XYLB: variants seen among roughly 807,000 people sequenced by gnomAD.
The protein encoded by XYLB is xylulose kinase.
In XYLB, 62 loss-of-function variants were observed where a neutral mutation model predicts 78.7. The observed-to-expected ratio is 0.79, with a 90% CI of 0.64 to 0.97. The LOEUF is 0.97. XYLB is among the 50% of genes least tolerant of loss of function. The probability of loss-of-function intolerance (pLI) is 0.00; values close to 1 mark genes in which losing one functional copy is unlikely to be tolerated. For synonymous variants in XYLB, 245 were observed against 247.4 expected (o/e 0.99, Z 0.09); for missense variants, 687 against 676.8 (o/e 1.02, Z -0.17).
intron 1 of XYLB, among the ~76,000 whole-genome samples, chr3:38,347,774 A>G (rs1195153982): frequency 6.6e-6 from 1 of 152,212 alleles, no homozygotes; most frequent in East Asian, 1.9e-4. Flanking sequence ...CTGTGCACCC[A>G]GGACTGCTGG....
chr3:38,380,522 A>G (rs1200537113), intron 15 of XYLB, among the ~76,000 whole-genome samples: 2 of 152,198 alleles, frequency 1.3e-5, no homozygotes, highest in East Asian at 3.9e-4. Context: ...ATGATACTCT[A>G]TGGACAATCC....
chr3:38,370,222 C>T, intron 9 of XYLB, 48 bp downstream of exon 9: 5 of 953,966 alleles, frequency 5.2e-6, no homozygotes, highest in Non-Finnish European at 8.2e-6. Flanking sequence ...CTGGCAGCTA[C>T]CAGGGAAGCA....
Position 38,414,566 on chromosome 3 carries a change from T to C in XYLB, c.*1553T>C, listed in dbSNP as rs1169088957. 6.6e-6 allele frequency: 1 copy of C among 152,030 alleles called. No individual in the cohort carries two copies. Among genetic ancestry groups the C allele is most frequent in the East Asian group, 1.9e-4 (1 of 5,192 alleles). 9.4% of individuals were successfully genotyped at this position (152,030 alleles called of 1,614,324 possible). A position where few individuals can be genotyped will look rare whatever the true frequency, so the allele number is the denominator to read the frequency against. ...ATTTGAAAATAAATAATTGTGGATA[T>C]AAAAGAACACCAGAGATCAGAAATT... On this transcript the variant is annotated 3_prime_UTR_variant, in exon 19 of 19. Coordinates refer to ENST00000207870, the MANE Select transcript of XYLB (RefSeq NM_005108.4).
rs961172913 is a variant in XYLB at position 38,390,954 on chromosome 3, T to G, written c.1292-4551T>G. 9.2e-5 allele frequency among the ~76,000 whole-genome samples: 14 copies of G among 152,316 alleles called. No individual in the cohort carries two copies. The East Asian group carries it at 2.5e-3, about 27-fold the overall frequency. ...TAGAACATCAGCCAGGCACAGTCAC[T>G]TACACCTGTAATCCCAGCACTTTGG... On this transcript the variant is annotated intron_variant, in intron 15 of 18. Coordinates refer to ENST00000207870, the MANE Select transcript of XYLB (RefSeq NM_005108.4).
At chr3:38,444,859 T>A in the XYLB span, among the ~76,000 whole-genome samples, 1 of 147,308 alleles carries the variant, frequency 6.8e-6, no homozygotes, top group Admixed American at 6.7e-5. Context: ...CTGATCAGAA[T>A]AGTTGTACTC....
intron 15 of XYLB, among the ~76,000 whole-genome samples, chr3:38,392,361 C>T (rs929890606): frequency 5.3e-5 from 8 of 152,208 alleles, no homozygotes; most frequent in South Asian, 2.1e-4. Context: ...TGCAATGGCG[C>T]GATCTCGGCT....
At chr3:38,376,828 G>C (rs1706881070) in intron 13 of XYLB, 90 bp from the exon 14 acceptor site, 1 of 1,080,204 alleles carries the variant, frequency 9.3e-7, no homozygotes, top group Non-Finnish European at 1.4e-6. Context: ...CAGGGATATG[G>C]GGTCATTTTG....
At chr3:38,377,247 C>T (rs528404800) in intron 14 of XYLB, among the ~76,000 whole-genome samples, 1 of 152,088 alleles carries the variant, frequency 6.6e-6, no homozygotes, top group African/African-American at 2.4e-5. Context: ...AATGCTAACA[C>T]TATCATTGTG....
At chr3:38,389,473 TGGG>T (rs1480902598) in intron 15 of XYLB, among the ~76,000 whole-genome samples, 1 of 151,994 alleles carries the variant, frequency 6.6e-6, no homozygotes, top group African/African-American at 2.4e-5. Context: ...ACCTCCCAGA[TGGG>T]GTGGTGGCCG....
chr3:38,386,444 C>G (rs1707385376), intron 15 of XYLB, among the ~76,000 whole-genome samples: 1 of 152,036 alleles, frequency 6.6e-6, no homozygotes. Flanking sequence ...TTAATTGAAT[C>G]TATCCATTTA....
intron 9 of XYLB, 144 bp from the exon 10 acceptor site, chr3:38,372,511 T>C: frequency 6.7e-7 from 1 of 1,481,848 alleles, no homozygotes. Context: ...CAGGAAGTGA[T>C]GTGACTCCAG....
intron 15 of XYLB, among the ~76,000 whole-genome samples, chr3:38,380,018 GC>G (rs1000004136): frequency 6.6e-6 from 1 of 152,162 alleles, no homozygotes; most frequent in African/African-American, 2.4e-5. Flanking sequence ...TGGTGAGGGA[GC>G]TGAGTGTGCT....
At chr3:38,351,132 A>G (rs2669606) in intron 2 of XYLB, among the ~76,000 whole-genome samples, 4 of 135,614 alleles carry the variant, frequency 2.9e-5, no homozygotes, top group Admixed American at 1.7e-4. Context: ...AGATCGCGCC[A>G]CTGCACTCCA....
intron 18 of XYLB, among the ~76,000 whole-genome samples, chr3:38,411,026 A>C (rs1351883570): frequency 6.6e-6 from 1 of 152,026 alleles, no homozygotes; most frequent in Non-Finnish European, 1.5e-5. Flanking sequence ...CCATCCCATT[A>C]CTAGGTATAT....
At chr3:38,446,339 T>A in the XYLB span, among the ~76,000 whole-genome samples, 1 of 152,154 alleles carries the variant, frequency 6.6e-6, no homozygotes, top group Non-Finnish European at 1.5e-5. Context: ...GAATGCTGAT[T>A]GGTGCATTTT....
At chr3:38,350,128 C>T (rs1201419716) in intron 2 of XYLB, among the ~76,000 whole-genome samples, 1 of 152,210 alleles carries the variant, frequency 6.6e-6, no homozygotes, top group African/African-American at 2.4e-5. Flanking sequence ...CTGTTTTAGA[C>T]ACACTTCCTC....
intron 3 of XYLB, 53 bp downstream of exon 3, chr3:38,360,461 G>A: frequency 6.7e-7 from 1 of 1,483,178 alleles, no homozygotes; most frequent in Non-Finnish European, 9.1e-7. Flanking sequence ...CTCACTGGCA[G>A]ACTCGGTGAT....
At chr3:38,351,383 A>C (rs1705356806) in intron 2 of XYLB, among the ~76,000 whole-genome samples, 1 of 151,888 alleles carries the variant, frequency 6.6e-6, no homozygotes, top group Non-Finnish European at 1.5e-5. Flanking sequence ...CTGGACATTT[A>C]AAAAAAGGTG....
At chr3:38,377,984 C>T (rs1035146351) in intron 14 of XYLB, among the ~76,000 whole-genome samples, 4 of 152,190 alleles carry the variant, frequency 2.6e-5, no homozygotes. Flanking sequence ...TGGAGAGTCA[C>T]TGGAGAGTCA....
Sources: gnomAD v4.1 joint callset for allele counts (sites outside exome capture counted in the v4.1 genomes callset) on GRCh38, gnomAD v4.1.1 for gene constraint, MANE v1.5 for transcripts, NCBI Gene and HGNC (gene_info 2026-07-23, HGNC 2026-07-21) for gene names.